TTC28: variants seen among roughly 807,000 people sequenced by gnomAD.
The protein encoded by TTC28 is tetratricopeptide repeat protein 28.
A neutral mutation model predicts 198.0 loss-of-function variants in TTC28; 61 were observed. That is an observed-to-expected ratio of 0.31 (90% confidence interval 0.25 to 0.38). TTC28 has a LOEUF of 0.38. Among genes scored for constraint, TTC28 ranks in the 10% least tolerant of loss-of-function variants. TTC28 has a pLI of 1.00. For missense variants in TTC28, 2,678 were observed against 3,164.0 expected (o/e 0.85, Z 3.69); for synonymous variants, 1,171 against 1,297.8 (o/e 0.90, Z 2.10).
At position 27,992,674 on chromosome 22, in the gene TTC28, A is replaced by C; in HGVS notation, c.5477-11T>G. The C allele has an allele frequency of 6.4e-7, 1 of 1,550,794 alleles. No individual in the cohort carries two copies. Among genetic ancestry groups the C allele is most frequent in the Non-Finnish European group, 8.7e-7 (1 of 1,146,670 alleles). Reference sequence around the variant, plus strand: ...CAGGATTGGGCAGACCTAAACCAAGAAAAAAGGGTAGAAGTTATTCAGAAG... The same window carrying C: ...CAGGATTGGGCAGACCTAAACCAAGCAAAAAGGGTAGAAGTTATTCAGAAG... On this transcript the variant is annotated splice_polypyrimidine_tract_variant and intron_variant, in intron 18 of 22. Coordinates refer to ENST00000397906, the MANE Select transcript of TTC28 (RefSeq NM_001145418.2).
At chr22:28,653,673 T>C (rs2051598781) in intron 1 of TTC28, among the ~76,000 whole-genome samples, 1 of 152,124 alleles carries the variant, frequency 6.6e-6, no homozygotes, top group Non-Finnish European at 1.5e-5. Context: ...GAAACCTATT[T>C]ATTCCTCCCA....
At chr22:28,301,505 A>C (rs1370986849) in intron 3 of TTC28, among the ~76,000 whole-genome samples, 1 of 152,230 alleles carries the variant, frequency 6.6e-6, no homozygotes, top group Non-Finnish European at 1.5e-5. Flanking sequence ...GGAATGTAGC[A>C]GAGGCTAATA....
intron 5 of TTC28, among the ~76,000 whole-genome samples, chr22:28,239,150 T>C (rs1237504584): frequency 6.6e-6 from 1 of 152,136 alleles, no homozygotes; most frequent in Non-Finnish European, 1.5e-5. Flanking sequence ...GAAGGACTAG[T>C]TATTCCATCA....
chr22:28,094,051 A>G, intron 12 of TTC28, 29 bp downstream of exon 12: 5 of 1,497,036 alleles, frequency 3.3e-6, no homozygotes, highest in Non-Finnish European at 4.5e-6. Context: ...TTTATCTGAA[A>G]ATGGACTTGG....
intron 2 of TTC28, among the ~76,000 whole-genome samples, chr22:28,408,544 C>G (rs1344875475): frequency 1.3e-5 from 2 of 152,164 alleles, no homozygotes; most frequent in African/African-American, 4.8e-5. Context: ...GTACCTGCCA[C>G]CACACCCGGC....
intron 5 of TTC28, among the ~76,000 whole-genome samples, chr22:28,288,088 A>T (rs1293216934): frequency 6.6e-6 from 1 of 152,138 alleles, no homozygotes; most frequent in Admixed American, 6.6e-5. Context: ...AACATCAATA[A>T]TAACAATAGT....
chr22:28,216,735 T>A (rs1927436003), intron 5 of TTC28, among the ~76,000 whole-genome samples: 1 of 152,132 alleles, frequency 6.6e-6, no homozygotes. Context: ...AAAAAAAATT[T>A]TTTAGAGACA....
chr22:28,351,369 A>G (rs1373837066), intron 2 of TTC28, among the ~76,000 whole-genome samples: 1 of 152,152 alleles, frequency 6.6e-6, no homozygotes, highest in Non-Finnish European at 1.5e-5. Context: ...AATACTACCA[A>G]AACAAAAAGA....
At chr22:28,325,443 T>TA (rs2045513647) in intron 2 of TTC28, among the ~76,000 whole-genome samples, 1 of 152,144 alleles carries the variant, frequency 6.6e-6, no homozygotes, top group African/African-American at 2.4e-5. Context: ...TGAAAATTTT[T>TA]AAAAATTAAC....
At chr22:28,592,187 G>A (rs1472365307) in intron 2 of TTC28, among the ~76,000 whole-genome samples, 3 of 152,266 alleles carry the variant, frequency 2.0e-5, no homozygotes, top group Non-Finnish European at 2.9e-5. Context: ...GGGGCCTGCT[G>A]TCTAATGAGT....
chr22:28,569,151 CAAAT>C (rs33998799), intron 2 of TTC28, among the ~76,000 whole-genome samples: 9,673 of 135,912 alleles, frequency 0.071, 489 homozygotes, highest in African/African-American at 0.14. Context: ...TGTTCTGTCT[CAAAT>C]AAATAAATAA....
chr22:28,334,148 A>G (rs1217609939), intron 2 of TTC28, among the ~76,000 whole-genome samples: 2 of 151,968 alleles, frequency 1.3e-5, no homozygotes, highest in Non-Finnish European at 2.9e-5. Flanking sequence ...GATGGTTTCC[A>G]GCTTCATCCA....
chr22:28,361,284 G>A (rs1275137356), intron 2 of TTC28, among the ~76,000 whole-genome samples: 3 of 152,174 alleles, frequency 2.0e-5, no homozygotes, highest in African/African-American at 7.2e-5. Context: ...AGTTATGAAT[G>A]CAAAGGAAGA....
At chr22:28,106,830 C>T (rs566159393) in intron 7 of TTC28, among the ~76,000 whole-genome samples, 55 of 152,304 alleles carry the variant, frequency 3.6e-4, no homozygotes, top group African/African-American at 1.3e-3. Context: ...CCCTTTTAAG[C>T]TGCATAATCT....
chr22:28,308,055 A>G (rs2045180960), intron 2 of TTC28, among the ~76,000 whole-genome samples: 1 of 152,206 alleles, frequency 6.6e-6, no homozygotes, highest in Admixed American at 6.5e-5. Context: ...AACAATCCAT[A>G]AACAGAATGA....
chr22:28,086,811 A>G (rs909412782), intron 12 of TTC28, among the ~76,000 whole-genome samples: 1 of 152,162 alleles, frequency 6.6e-6, no homozygotes, highest in South Asian at 2.1e-4. Flanking sequence ...AGATGCAATA[A>G]AAAATGATAA....
At chr22:28,335,724 T>A (rs532203793) in intron 2 of TTC28, among the ~76,000 whole-genome samples, 1 of 152,344 alleles carries the variant, frequency 6.6e-6, no homozygotes, top group African/African-American at 2.4e-5. Flanking sequence ...CTTATCAGCT[T>A]AAGAAGATTT....
Position 28,284,986 on chromosome 22 carries a change from C to T in TTC28, c.933+11212G>A, listed in dbSNP as rs1390937191. ...GCTACATTATGATCCAGCAATTCTA[C>T]GTCTGAGTATATATCCAAAGCAAAT... On this transcript the variant is annotated intron_variant, in intron 5 of 22. Transcript: ENST00000397906. 3.9e-5 allele frequency among the ~76,000 whole-genome samples: 6 copies of T among 152,176 alleles called. No homozygotes were observed. In the South Asian group the frequency reaches 1.0e-3, roughly 26 times the overall value.
At chr22:28,589,476 A>T (rs2050384051) in intron 2 of TTC28, among the ~76,000 whole-genome samples, 1 of 152,190 alleles carries the variant, frequency 6.6e-6, no homozygotes, top group South Asian at 2.1e-4. Flanking sequence ...AATTAACTTT[A>T]AAAGGACCCA....
Sources: allele counts gnomAD v4.1 joint callset (sites outside exome capture counted in the v4.1 genomes callset), GRCh38; gene constraint gnomAD v4.1.1; transcripts MANE v1.5; gene names NCBI Gene and HGNC (gene_info 2026-07-23, HGNC 2026-07-21).